The following KCNQ1 variants were observed in gnomAD, a reference collection of about 807,000 sequenced individuals.
KCNQ1 encodes the protein potassium voltage-gated channel subfamily KQT member 1.
KCNQ1 carries 49 observed loss-of-function variants against 72.4 expected under a neutral mutation model. The observed-to-expected ratio is 0.68, with a 90% CI of 0.54 to 0.86. The LOEUF is 0.86. Ranked by LOEUF, KCNQ1 falls within the 40% of genes least tolerant of loss-of-function variation. The probability of loss-of-function intolerance (pLI) is 0.00; values close to 1 mark genes in which losing one functional copy is unlikely to be tolerated. For synonymous variants in KCNQ1, 450 were observed against 412.6 expected, an observed-to-expected ratio of 1.09 and a Z score of -1.10; for missense variants, 790 against 945.1, an observed-to-expected ratio of 0.84 and a Z score of 2.15.
At chr11:2,825,813 C>T (rs754944915) in intron 15 of KCNQ1, among the ~76,000 whole-genome samples, 17 of 152,198 alleles carry the variant, frequency 1.1e-4, no homozygotes, top group Admixed American at 5.9e-4. Context: ...GCGGCCTCCA[C>T]GCCAGGGACT....
intron 2 of KCNQ1, among the ~76,000 whole-genome samples, chr11:2,535,849 C>T (rs928842770): frequency 1.3e-4 from 20 of 152,330 alleles, no homozygotes; most frequent in East Asian, 3.9e-4. Flanking sequence ...AGAGGAACCC[C>T]GGCGCTGCTG....
In KCNQ1 at chr11:2,498,842, C is replaced by A. The variant is rs530434914; in HGVS notation, c.387-29086C>A. On this transcript the variant is annotated intron_variant, in intron 1 of 15. Coordinates refer to ENST00000155840, the MANE Select transcript of KCNQ1 (RefSeq NM_000218.3). This position sits in a 1 kb window ranked among gnomAD's most constrained non-coding sequence, Gnocchi z 4.8. ...GCACATGAAGGAGTCTCCTGATCTG[C>A]AGATTGCAAAACCCATGGGAAAAGC... Among the ~76,000 whole-genome samples, 1 of 152,360 alleles carries A rather than the reference C, an allele frequency of 6.6e-6. No individual in the cohort carries two copies. The highest frequency in any genetic ancestry group is 2.4e-5 in the African/African-American group (1 of 41,582).
In KCNQ1 at chr11:2,826,239, T is replaced by C. The variant is rs1366860902; in HGVS notation, c.1795-21528T>C. 1.3e-5 allele frequency among the ~76,000 whole-genome samples: 2 copies of C among 152,186 alleles called. No homozygotes were observed. The highest frequency in any genetic ancestry group is 4.8e-5 in the African/African-American group (2 of 41,444). ...TTTTAAGGCTACATTTCACGTCAGC[T>C]GTGACTTGGAAGGAAAGAGGGCCCG... On this transcript the variant is annotated intron_variant, in intron 15 of 15. Coordinates refer to ENST00000155840, the MANE Select transcript of KCNQ1 (RefSeq NM_000218.3). The surrounding 1 kb of genome is among the most constrained non-coding windows in gnomAD (Gnocchi z 4.2).
intron 11 of KCNQ1, among the ~76,000 whole-genome samples, chr11:2,700,356 C>G (rs1465386448): frequency 6.6e-6 from 1 of 152,160 alleles, no homozygotes; most frequent in East Asian, 1.9e-4. Flanking sequence ...CGGGCCAGTT[C>G]TCTGCGTGAT....
chr11:2,746,144 C>T lies in KCNQ1; in HGVS notation c.1515-22700C>T, dbSNP rs1846136269. Among the ~76,000 whole-genome samples the T allele has an allele frequency of 6.6e-6, 1 of 152,220 alleles. No individual in the cohort carries two copies. Among genetic ancestry groups the T allele is most frequent in the African/African-American group, 2.4e-5 (1 of 41,452 alleles). ...GCCTCAAGTGATCCATCCGCCTCGG[C>T]CTCCCAAAGTGCTGGGATTATAGGC... On this transcript the variant is annotated intron_variant, in intron 11 of 15. Coordinates refer to ENST00000155840, the MANE Select transcript of KCNQ1 (RefSeq NM_000218.3). This position sits in a 1 kb window ranked among gnomAD's most constrained non-coding sequence, Gnocchi z 5.9.
intron 15 of KCNQ1, among the ~76,000 whole-genome samples, chr11:2,832,626 A>T (rs1177866060): frequency 6.6e-6 from 1 of 152,226 alleles, no homozygotes; most frequent in South Asian, 2.1e-4. Context: ...CCACAGTTGC[A>T]GCAGGAAGCC....
chr11:2,831,537 A>C (rs1445530532), intron 15 of KCNQ1, among the ~76,000 whole-genome samples: 2 of 151,938 alleles, frequency 1.3e-5, no homozygotes, highest in Non-Finnish European at 2.9e-5. Flanking sequence ...GCCCAGATCT[A>C]TTCCTGATCC....
chr11:2,542,027 T>C (rs1464068790), intron 2 of KCNQ1, among the ~76,000 whole-genome samples: 1 of 152,212 alleles, frequency 6.6e-6, no homozygotes, highest in Non-Finnish European at 1.5e-5. Flanking sequence ...TGGCTCTCCA[T>C]GGCCCTGGAG....
chr11:2,513,636 C>T (rs1006642978), intron 1 of KCNQ1, among the ~76,000 whole-genome samples: 1 of 152,214 alleles, frequency 6.6e-6, no homozygotes, highest in African/African-American at 2.4e-5. Context: ...CGGGAGCCTC[C>T]ATCACCAGAG....
At chr11:2,530,897 A>G (rs1847611997) in intron 2 of KCNQ1, among the ~76,000 whole-genome samples, 1 of 151,834 alleles carries the variant, frequency 6.6e-6, no homozygotes, top group Non-Finnish European at 1.5e-5. Context: ...TGTGTGTGAG[A>G]CGTGAGATCC....
chr11:2,606,023 T>C (rs11023446), intron 10 of KCNQ1, among the ~76,000 whole-genome samples: 2,222 of 152,344 alleles, frequency 0.015, 37 homozygotes, highest in Middle Eastern at 0.058. Context: ...ATTTTATTTT[T>C]TCTTTATTAT....
intron 15 of KCNQ1, among the ~76,000 whole-genome samples, chr11:2,804,933 A>C (rs900422439): frequency 3.9e-5 from 6 of 152,254 alleles, no homozygotes; most frequent in Admixed American, 3.9e-4. Context: ...GTGACAACAC[A>C]TGTGGTCAGG....
intron 10 of KCNQ1, chr11:2,655,648 C>T: frequency 2.5e-6 from 1 of 398,696 alleles, no homozygotes; most frequent in Non-Finnish European, 4.4e-6. Flanking sequence ...AGAGGCAGCA[C>T]CAGTGTGTCT....
chr11:2,611,132 TA>T lies in KCNQ1; in HGVS notation c.1393+22281del. On this transcript the variant is annotated intron_variant, in intron 10 of 15. Transcript: ENST00000155840. This position sits in a 1 kb window ranked among gnomAD's most constrained non-coding sequence, Gnocchi z 5.3. The stretch of plus-strand genomic sequence containing the variant: ...GTTTATGATTTCTATTTCTTCCTGT[TA>T]AATTTTCCCTTTTGTCATTGTAAAA... 2.5e-6 allele frequency: 1 copy of T among 398,588 alleles called. No individual in the cohort carries two copies. Among genetic ancestry groups the T allele is most frequent in the Non-Finnish European group, 4.4e-6 (1 of 226,056 alleles). 24.7% of individuals were successfully genotyped at this position (398,588 alleles called of 1,614,324 possible). A position where few individuals can be genotyped will look rare whatever the true frequency, so the allele number is the denominator to read the frequency against.
chr11:2,630,060 T>C (rs939534723), intron 10 of KCNQ1: 1 of 398,156 alleles, frequency 2.5e-6, no homozygotes, highest in African/African-American at 2.1e-5. Flanking sequence ...GGGCTATTCA[T>C]ATATGGCCTT....
rs1360433808 is a variant in KCNQ1 at position 2,592,294 on chromosome 11, T to A, written c.1393+3440T>A. Among the ~76,000 whole-genome samples, 1 of 152,162 alleles carries A rather than the reference T, an allele frequency of 6.6e-6. No individual in the cohort carries two copies. The highest frequency in any genetic ancestry group is 2.4e-5 in the African/African-American group (1 of 41,428). The stretch of plus-strand genomic sequence containing the variant: ...GTGTGTCCTGACACCTCACTGAGCC[T>A]GTCGAGAGGCACAGGCAGGTATGGC... On this transcript the variant is annotated intron_variant, in intron 10 of 15. Coordinates refer to ENST00000155840, the MANE Select transcript of KCNQ1 (RefSeq NM_000218.3). The surrounding 1 kb of genome is among the most constrained non-coding windows in gnomAD (Gnocchi z 5.2).
chr11:2,618,687 T>C, intron 10 of KCNQ1: 1 of 398,578 alleles, frequency 2.5e-6, no homozygotes, highest in Non-Finnish European at 4.4e-6. Flanking sequence ...TTAAGGTTCT[T>C]GCTATTCCAA....
At chr11:2,616,066 C>T in intron 10 of KCNQ1, 1 of 398,048 alleles carries the variant, frequency 2.5e-6, no homozygotes, top group Non-Finnish European at 4.4e-6. Context: ...ATTTCAATTT[C>T]TGTTTTGGTC....
Position 2,670,967 on chromosome 11 carries a change from AGCCCCTGGCTAGGCATTCAT to A in KCNQ1, c.1514+8889_1514+8908del. 2.5e-6 allele frequency: 1 copy of A among 398,590 alleles called. No individual in the cohort carries two copies. The highest frequency in any genetic ancestry group is 4.4e-6 in the Non-Finnish European group (1 of 226,086). The allele number at this position is 398,590 out of a possible 1,614,324, so 24.7% of individuals were successfully genotyped here. A position where few individuals can be genotyped will look rare whatever the true frequency, so the allele number is the denominator to read the frequency against. ...TTCATGCCTTCTTATGGTGCCCCAG[AGCCCCTGGCTAGGCATTCAT>A]GCTTTAGATATGTGGGCCCTGTTAG... On this transcript the variant is annotated intron_variant, in intron 11 of 15. Coordinates refer to ENST00000155840, the MANE Select transcript of KCNQ1 (RefSeq NM_000218.3). The surrounding 1 kb of genome is among the most constrained non-coding windows in gnomAD (Gnocchi z 4.9).
Sources: allele counts gnomAD v4.1 joint callset (sites outside exome capture counted in the v4.1 genomes callset), GRCh38; gene constraint gnomAD v4.1.1; non-coding constraint Gnocchi (gnomAD v3.1); transcripts MANE v1.5; gene names NCBI Gene and HGNC (gene_info 2026-07-23, HGNC 2026-07-21).